Variants in UNC13C observed in about 807,000 individuals in gnomAD.
The protein encoded by UNC13C is unc-13 homolog C.
A neutral mutation model predicts 245.4 loss-of-function variants in UNC13C; 174 were observed. The observed-to-expected ratio is 0.71, with a 90% CI of 0.63 to 0.80. UNC13C has a LOEUF of 0.80. UNC13C is among the 30% of genes least tolerant of loss of function. The pLI is 0.00. For missense variants in UNC13C, 2,829 were observed against 2,602.9 expected (o/e 1.09, Z -1.89); for synonymous variants, 992 against 895.1 (o/e 1.11, Z -1.93).
the UNC13C span, among the ~76,000 whole-genome samples, chr15:53,868,311 G>T: frequency 6.6e-6 from 1 of 152,310 alleles, no homozygotes; most frequent in East Asian, 1.9e-4. Context: ...TTCTTGGACT[G>T]ATCCGCACAA....
chr15:53,924,239 AC>A, the UNC13C span, among the ~76,000 whole-genome samples: 4 of 142,112 alleles, frequency 2.8e-5, no homozygotes, highest in Admixed American at 1.4e-4. Flanking sequence ...AAAAACAAAA[AC>A]AAAAAAAGAG....
At chr15:54,585,442 G>T (rs979272371) in intron 30 of UNC13C, among the ~76,000 whole-genome samples, 1 of 152,120 alleles carries the variant, frequency 6.6e-6, no homozygotes, top group African/African-American at 2.4e-5. Context: ...TGTGCTTCTT[G>T]GGCAGTCTGC....
intron 19 of UNC13C, among the ~76,000 whole-genome samples, chr15:54,434,713 C>G (rs556483436): frequency 6.6e-6 from 1 of 152,154 alleles, no homozygotes; most frequent in South Asian, 2.1e-4. Context: ...ACAATGACAA[C>G]AAAAGCCAAA....
intron 14 of UNC13C, among the ~76,000 whole-genome samples, chr15:54,324,751 G>A (rs2038250296): frequency 6.6e-6 from 1 of 151,994 alleles, no homozygotes; most frequent in African/African-American, 2.4e-5. Flanking sequence ...GTAAAATGGA[G>A]AAAGAAATTA....
chr15:54,064,750 A>T (rs1160130832), intron 2 of UNC13C, among the ~76,000 whole-genome samples: 1 of 152,158 alleles, frequency 6.6e-6, no homozygotes, highest in Non-Finnish European at 1.5e-5. Flanking sequence ...GTACTGTTTA[A>T]TTCACTTTCA....
chr15:53,984,650 T>G (rs963053440), intron 1 of UNC13C, among the ~76,000 whole-genome samples: 3 of 152,162 alleles, frequency 2.0e-5, no homozygotes, highest in Admixed American at 1.3e-4. Flanking sequence ...TGTCATTATC[T>G]GTGTATTGAA....
intron 10 of UNC13C, among the ~76,000 whole-genome samples, chr15:54,274,912 C>T (rs367581115): frequency 1.2e-4 from 18 of 151,842 alleles, no homozygotes; most frequent in Admixed American, 7.2e-4. Flanking sequence ...CCTTGTGATC[C>T]GCCTGCCTCG....
At chr15:54,618,415 C>G (rs569345008) in intron 30 of UNC13C, among the ~76,000 whole-genome samples, 3 of 152,284 alleles carry the variant, frequency 2.0e-5, no homozygotes, top group South Asian at 2.1e-4. Context: ...GACTATATAA[C>G]AGGCAAAGCC....
chr15:54,455,237 ATGTTTTTTAATCCAC>A lies in UNC13C; in HGVS notation c.4934-39369_4934-39355del, dbSNP rs1254932042. 4.5e-5 allele frequency among the ~76,000 whole-genome samples: 4 copies of A among 89,744 alleles called. No individual in the cohort carries two copies. The East Asian group carries it at 1.5e-3, about 33-fold the overall frequency. 58.9% of individuals were successfully genotyped at this position (89,744 alleles called of 152,430 possible). A position where few individuals can be genotyped will look rare whatever the true frequency, so the allele number is the denominator to read the frequency against. Reference sequence around the variant, plus strand: ...TATATATATATATATATATATATATATGTTTTTTAATCCACTCATTGGTAGATGGGCATTTAGGCT... The same window carrying A: ...TATATATATATATATATATATATATATCATTGGTAGATGGGCATTTAGGCT... On this transcript the variant is annotated intron_variant, in intron 19 of 32. Coordinates refer to ENST00000260323, the MANE Select transcript of UNC13C (RefSeq NM_001080534.3).
At chr15:53,986,852 A>G (rs1041120422) in intron 1 of UNC13C, among the ~76,000 whole-genome samples, 38 of 152,056 alleles carry the variant, frequency 2.5e-4, no homozygotes, top group African/African-American at 1.4e-4. Context: ...ATTTGTTACT[A>G]TATGTCTGTG....
chr15:54,606,338 C>G (rs549455956), intron 30 of UNC13C, among the ~76,000 whole-genome samples: 30 of 152,114 alleles, frequency 2.0e-4, no homozygotes, highest in Non-Finnish European at 3.4e-4. Context: ...AAATTTATAA[C>G]TTGAAGGAAT....
At chr15:54,579,480 C>T (rs977386885) in intron 30 of UNC13C, among the ~76,000 whole-genome samples, 3 of 152,030 alleles carry the variant, frequency 2.0e-5, no homozygotes, top group Non-Finnish European at 2.9e-5. Context: ...TTCTCTTGGC[C>T]GGGCATGGTG....
intron 4 of UNC13C, among the ~76,000 whole-genome samples, chr15:54,219,283 G>A (rs1440110341): frequency 2.0e-5 from 3 of 150,782 alleles, no homozygotes; most frequent in Non-Finnish European, 4.5e-5. Flanking sequence ...AGAGCCCTCA[G>A]AAATAATGCC....
chr15:54,148,747 C>T (rs75671566), intron 4 of UNC13C, among the ~76,000 whole-genome samples: 4,362 of 152,238 alleles, frequency 0.029, 212 homozygotes, highest in African/African-American at 0.1. Context: ...CCCTATTTCT[C>T]AAGGGTCAGA....
Position 54,328,688 on chromosome 15 carries a change from A to C in UNC13C, c.4426-3355A>C, listed in dbSNP as rs537475579. Among the ~76,000 whole-genome samples the C allele has an allele frequency of 9.9e-5, 15 of 152,020 alleles. 1 individual carries two copies. The highest frequency in any genetic ancestry group is 6.2e-4 in the South Asian group (3 of 4,816). ...CAGGGTTCCCCAAATCCTGGGGGGA[A>C]CTTCCTGAAGGTGCACACTCCGAGG... On this transcript the variant is annotated intron_variant, in intron 14 of 32. Transcript: ENST00000260323.
chr15:53,954,397 ATT>A, the UNC13C span, among the ~76,000 whole-genome samples: 1 of 152,226 alleles, frequency 6.6e-6, no homozygotes. Flanking sequence ...ATATTTAAAA[ATT>A]TAGTACCTGG....
At chr15:54,431,330 C>A (rs1170474251) in intron 19 of UNC13C, among the ~76,000 whole-genome samples, 1 of 151,328 alleles carries the variant, frequency 6.6e-6, no homozygotes, top group Non-Finnish European at 1.5e-5. Flanking sequence ...TTTTTTCTGC[C>A]TTGAGAGCCA....
At chr15:54,364,220 A>G (rs919260000) in intron 17 of UNC13C, among the ~76,000 whole-genome samples, 2 of 152,210 alleles carry the variant, frequency 1.3e-5, no homozygotes, top group African/African-American at 4.8e-5. Flanking sequence ...AAAACATGAC[A>G]TTTAATCTAT....
rs574619329 is a variant in UNC13C at position 54,318,447 on chromosome 15, G to A, written c.4269-3492G>A. On this transcript the variant is annotated intron_variant, in intron 13 of 32. Coordinates refer to ENST00000260323, the MANE Select transcript of UNC13C (RefSeq NM_001080534.3). Reference sequence around the variant, plus strand: ...ATAGGAGTGAGGTAATATCTGATGTGGTCTTAATCGGCATTTCCCTGATGA... The same window carrying A: ...ATAGGAGTGAGGTAATATCTGATGTAGTCTTAATCGGCATTTCCCTGATGA... Among the ~76,000 whole-genome samples, 25 of 151,876 alleles carry A rather than the reference G, an allele frequency of 1.6e-4. 1 individual carries two copies. In the South Asian group the frequency reaches 4.6e-3, roughly 28 times the overall value.
Sources: gnomAD v4.1 joint callset for allele counts (sites outside exome capture counted in the v4.1 genomes callset) on GRCh38, gnomAD v4.1.1 for gene constraint, MANE v1.5 for transcripts, NCBI Gene and HGNC (gene_info 2026-07-23, HGNC 2026-07-21) for gene names.